Variants in NDUFA5 observed in about 807,000 individuals in gnomAD.
NDUFA5 encodes the protein NADH:ubiquinone oxidoreductase subunit A5, also known as NADH dehydrogenase [ubiquinone] 1 alpha subcomplex subunit 5.
Under a neutral mutation model 19.8 loss-of-function variants are expected in NDUFA5, and 11 were observed. The observed-to-expected ratio is 0.56, with a 90% CI of 0.35 to 0.92. The LOEUF (loss-of-function observed/expected upper bound fraction) is 0.92, where lower values mean the gene tolerates loss of function less well. Among genes scored for constraint, NDUFA5 ranks in the 40% least tolerant of loss-of-function variants. The pLI is 0.01. For missense variants in NDUFA5, 109 were observed against 134.2 expected, an observed-to-expected ratio of 0.81 and a Z score of 0.93; for synonymous variants, 47 against 46.8, an observed-to-expected ratio of 1.00 and a Z score of -0.01.
Position 123,540,952 on chromosome 7 carries a change from A to C in NDUFA5, c.*1167T>G, listed in dbSNP as rs1416095460. On this transcript the variant is annotated 3_prime_UTR_variant, in exon 5 of 5. Transcript: ENST00000355749. ...CACACACACGTATACACAAAACCCC[A>C]CAAGAGTATAGTACTATCTATGAAG... 18 of 151,750 alleles carry C rather than the reference A, an allele frequency of 1.2e-4. No homozygotes were observed. The highest frequency in any genetic ancestry group is 1.1e-3 in the Admixed American group (17 of 15,180). 9.4% of individuals were successfully genotyped at this position (151,750 alleles called of 1,614,324 possible).
chr7:123,566,930 A>C, the NDUFA5 span: 1 of 152,194 alleles, frequency 6.6e-6, no homozygotes, highest in African/African-American at 2.4e-5. Context: ...CCAGATTCTA[A>C]GAATTTTTAT....
the NDUFA5 span, among the ~76,000 whole-genome samples, chr7:123,577,383 T>C: frequency 2.0e-5 from 3 of 152,298 alleles, no homozygotes; most frequent in South Asian, 6.2e-4. Context: ...CTTCTGTAAC[T>C]GGCCCAGTTT....
At chr7:123,592,630 T>C in the NDUFA5 span, among the ~76,000 whole-genome samples, 1 of 152,324 alleles carries the variant, frequency 6.6e-6, no homozygotes, top group South Asian at 2.1e-4. Flanking sequence ...TCTAATTTGA[T>C]TGCACTGTGG....
the NDUFA5 span, among the ~76,000 whole-genome samples, chr7:123,575,943 A>G: frequency 6.6e-6 from 1 of 150,618 alleles, no homozygotes; most frequent in Admixed American, 6.6e-5. Context: ...CTTTTATTTC[A>G]GGAAAATTTT....
chr7:123,563,049 C>A, the NDUFA5 span, among the ~76,000 whole-genome samples: 23 of 152,236 alleles, frequency 1.5e-4, no homozygotes, highest in South Asian at 4.1e-3. Flanking sequence ...GATCCGCCCA[C>A]CTCGGTCTCT....
intron 2 of NDUFA5, 183 bp downstream of exon 2, chr7:123,557,221 A>T (rs1444898599): frequency 1.2e-6 from 1 of 863,830 alleles, no homozygotes; most frequent in Non-Finnish European, 1.9e-6. Flanking sequence ...CATGGCAAAA[A>T]TAAATAAAAA....
the NDUFA5 span, among the ~76,000 whole-genome samples, chr7:123,598,338 A>G: frequency 5.5e-3 from 833 of 152,328 alleles, 4 homozygotes; most frequent in Middle Eastern, 0.017. Context: ...AGGAAACTGA[A>G]GTATAAACCT....
the NDUFA5 span, among the ~76,000 whole-genome samples, chr7:123,600,122 A>T: frequency 3.3e-5 from 5 of 152,162 alleles, no homozygotes; most frequent in Non-Finnish European, 7.4e-5. Flanking sequence ...TGCCATGGTC[A>T]TTGTATCATC....
At chr7:123,557,613 G>A (rs1478935554) in intron 1 of NDUFA5, 162 bp downstream of exon 1, 1 of 1,613,280 alleles carries the variant, frequency 6.2e-7, no homozygotes, top group South Asian at 1.1e-5. Flanking sequence ...CTCTCGGAGC[G>A]GAACCACTAA....
chr7:123,547,388 A>C (rs1431376844), intron 3 of NDUFA5, among the ~76,000 whole-genome samples: 1 of 151,258 alleles, frequency 6.6e-6, no homozygotes, highest in Non-Finnish European at 1.5e-5. Flanking sequence ...GTCTTTACTC[A>C]GTTTTTACTT....
chr7:123,553,795 C>T (rs1435910805), intron 2 of NDUFA5, among the ~76,000 whole-genome samples: 1 of 152,110 alleles, frequency 6.6e-6, no homozygotes, highest in Non-Finnish European at 1.5e-5. Context: ...AGGGTATATA[C>T]AACTTAGAAC....
chr7:123,582,519 G>GCT, the NDUFA5 span, among the ~76,000 whole-genome samples: 1 of 151,932 alleles, frequency 6.6e-6, no homozygotes, highest in Non-Finnish European at 1.5e-5. Flanking sequence ...TAAAGCTCCT[G>GCT]CTCATTGTCT....
chr7:123,569,973 A>G, the NDUFA5 span, among the ~76,000 whole-genome samples: 1 of 150,686 alleles, frequency 6.6e-6, no homozygotes, highest in Non-Finnish European at 1.5e-5. Context: ...AAACTGCACT[A>G]TGATGGGATA....
At chr7:123,582,374 C>T in the NDUFA5 span, among the ~76,000 whole-genome samples, 1 of 151,930 alleles carries the variant, frequency 6.6e-6, no homozygotes. Flanking sequence ...AACACCACTA[C>T]CCTAGTGCAC....
chr7:123,540,971 T>C lies in NDUFA5; in HGVS notation c.*1148A>G, dbSNP rs1797927396. On this transcript the variant is annotated 3_prime_UTR_variant, in exon 5 of 5. Transcript: ENST00000355749. ...AACCCCACAAGAGTATAGTACTATC[T>C]ATGAAGGAAAGAGATACCACGTTAA... 2 of 151,500 alleles carry C rather than the reference T, an allele frequency of 1.3e-5. No homozygotes were observed. Among genetic ancestry groups the C allele is most frequent in the South Asian group, 4.2e-4 (2 of 4,804 alleles). 9.4% of individuals were successfully genotyped at this position (151,500 alleles called of 1,614,324 possible).
upstream of NDUFA5, chr7:123,557,878 T>C (rs1798626163): frequency 1.9e-6 from 3 of 1,610,900 alleles, no homozygotes; most frequent in Admixed American, 1.7e-5. Flanking sequence ...GTCGCCACTC[T>C]GTCACCCTGG....
chr7:123,543,399 C>T (rs1263393882), intron 4 of NDUFA5, among the ~76,000 whole-genome samples: 2 of 152,030 alleles, frequency 1.3e-5, no homozygotes, highest in South Asian at 4.2e-4. Context: ...ATCATACCAT[C>T]CATCTAGAAA....
chr7:123,593,126 A>G, the NDUFA5 span, among the ~76,000 whole-genome samples: 1 of 151,970 alleles, frequency 6.6e-6, no homozygotes, highest in Admixed American at 6.6e-5. Flanking sequence ...TTTGTTTGGT[A>G]GATCTTACTC....
In NDUFA5 at chr7:123,540,371, A is replaced by G. The variant is rs1183532356; in HGVS notation, c.*1748T>C. ...AGTTCAGTAACACTGTTGGTGAAACATAAAAGATGCCCAAGAATCATGGCA... is the reference window on the plus strand; with the variant it reads ...AGTTCAGTAACACTGTTGGTGAAACGTAAAAGATGCCCAAGAATCATGGCA... On this transcript the variant is annotated 3_prime_UTR_variant, in exon 5 of 5. Transcript: ENST00000355749. The G allele has an allele frequency of 6.6e-6, 1 of 152,198 alleles. No homozygotes were observed. The highest frequency in any genetic ancestry group is 6.5e-5 in the Admixed American group (1 of 15,276). The allele number at this position is 152,198 out of a possible 1,614,324, so 9.4% of individuals were successfully genotyped here.
Sources: gnomAD v4.1 joint callset for allele counts (sites outside exome capture counted in the v4.1 genomes callset) on GRCh38, gnomAD v4.1.1 for gene constraint, MANE v1.5 for transcripts, NCBI Gene and HGNC (gene_info 2026-07-23, HGNC 2026-07-21) for gene names.